RNF130: variants seen among roughly 807,000 people sequenced by gnomAD.
The protein encoded by RNF130 is ring finger protein 130, also known as E3 ubiquitin-protein ligase RNF130.
Under a neutral mutation model 44.6 loss-of-function variants are expected in RNF130, and 21 were observed. That is an observed-to-expected ratio of 0.47 (90% CI 0.33 to 0.68). The LOEUF is 0.68. RNF130 is among the 30% of genes least tolerant of loss of function. The pLI is 0.02. For synonymous variants in RNF130, 214 were observed against 210.4 expected, an observed-to-expected ratio of 1.02 and a Z score of -0.15; for missense variants, 479 against 560.6, an observed-to-expected ratio of 0.85 and a Z score of 1.47.
intron 8 of RNF130, among the ~76,000 whole-genome samples, chr5:179,962,837 C>A (rs1285470616): frequency 6.6e-6 from 1 of 152,152 alleles, no homozygotes; most frequent in Non-Finnish European, 1.5e-5. Flanking sequence ...AACCATCCCG[C>A]CACTAACCAA....
intron 4 of RNF130, among the ~76,000 whole-genome samples, chr5:179,979,341 G>A (rs150577897): frequency 8.0e-5 from 12 of 150,044 alleles, no homozygotes; most frequent in African/African-American, 2.5e-4. Context: ...AACTAGATAC[G>A]GTGGTATCAA....
intron 7 of RNF130, among the ~76,000 whole-genome samples, chr5:179,941,211 G>T (rs1465653222): frequency 6.6e-6 from 1 of 152,128 alleles, no homozygotes; most frequent in Non-Finnish European, 1.5e-5. Flanking sequence ...TGCTTCGTTT[G>T]GTTGGTTTTT....
intron 3 of RNF130, among the ~76,000 whole-genome samples, chr5:179,992,422 G>A (rs926953911): frequency 6.6e-6 from 1 of 152,156 alleles, no homozygotes; most frequent in African/African-American, 2.4e-5. Flanking sequence ...GATTACAGGC[G>A]TGAGCCACCA....
intron 1 of RNF130, among the ~76,000 whole-genome samples, chr5:180,065,519 G>C (rs1204766427): frequency 6.6e-6 from 1 of 152,168 alleles, no homozygotes; most frequent in Non-Finnish European, 1.5e-5. Flanking sequence ...CCAGCACTTT[G>C]GGAGGCCGAG....
exon 8 of RNF130, chr5:179,916,868 G>A (rs1359669932): frequency 6.6e-6 from 1 of 152,392 alleles, no homozygotes; most frequent in Admixed American, 6.5e-5. Context: ...ACAGGAAAGA[G>A]GGGTTACTCC....
At chr5:179,917,938 G>A (rs1761575945) in exon 8 of RNF130, 1 of 152,230 alleles carries the variant, frequency 6.6e-6, no homozygotes, top group East Asian at 1.9e-4. Context: ...CCCAGGAGGT[G>A]GAGGCTGCAG....
In RNF130 at chr5:179,965,340, C is replaced by T. The variant is rs568870332; in HGVS notation, c.1150+1466G>A. 9.9e-5 allele frequency among the ~76,000 whole-genome samples: 15 copies of T among 152,196 alleles called. No homozygotes were observed. The South Asian group carries it at 1.5e-3, about 15-fold the overall frequency. On this transcript the variant is annotated intron_variant, in intron 7 of 8. Transcript: ENST00000521389. ...GTGGTTGCTACGGTGCCCAGGGCTTCGGAGGGAAAGCAGAGGTAGCTGTGG... is the reference window on the plus strand; with the variant it reads ...GTGGTTGCTACGGTGCCCAGGGCTTTGGAGGGAAAGCAGAGGTAGCTGTGG...
chr5:179,915,433 A>ACCT (rs1761530483), exon 8 of RNF130: 1 of 152,766 alleles, frequency 6.5e-6, no homozygotes, highest in African/African-American at 2.4e-5. Context: ...CCACCTGGGC[A>ACCT]CCAGGTTCGC....
chr5:180,037,219 G>A lies in RNF130; in HGVS notation c.442+3234C>T, dbSNP rs946868444. Among the ~76,000 whole-genome samples, 6 of 152,158 alleles carry A rather than the reference G, an allele frequency of 3.9e-5. No individual in the cohort carries two copies. The East Asian group carries it at 5.8e-4, about 15-fold the overall frequency. On this transcript the variant is annotated intron_variant, in intron 2 of 8. Transcript: ENST00000521389. ...TTACAATGCTGTAACACTCTCCTAC[G>A]TGTCGTCCATGCACATGTGCGAGAG...
At chr5:179,958,167 G>A (rs945247524) in intron 8 of RNF130, among the ~76,000 whole-genome samples, 14 of 152,190 alleles carry the variant, frequency 9.2e-5, no homozygotes, top group Non-Finnish European at 1.6e-4. Flanking sequence ...GTGAGCCACC[G>A]CGCCCGGCCA....
At chr5:180,005,899 A>G (rs1763453703) in intron 3 of RNF130, among the ~76,000 whole-genome samples, 1 of 152,222 alleles carries the variant, frequency 6.6e-6, no homozygotes, top group African/African-American at 2.4e-5. Flanking sequence ...GGATATAGAA[A>G]TGAATTATCT....
Position 179,921,938 on chromosome 5 carries a change from T to C in RNF130, c.1151-1512A>G, listed in dbSNP as rs545677783. On this transcript the variant is annotated intron_variant, in intron 7 of 7. Transcript: ENST00000522208. Reference sequence around the variant, plus strand: ...CGGGAGGCTGAGGCAGGAGAATCACTTGAACCCAGGAGGCGGAGGTTGCAG... The same window carrying C: ...CGGGAGGCTGAGGCAGGAGAATCACCTGAACCCAGGAGGCGGAGGTTGCAG... 3.6e-3 allele frequency among the ~76,000 whole-genome samples: 554 copies of C among 151,850 alleles called. 18 individuals are homozygous for C. Among genetic ancestry groups the C allele is most frequent in the African/African-American group, 0.013 (533 of 41,180 alleles).
At chr5:180,039,126 G>A (rs375420826) in intron 2 of RNF130, among the ~76,000 whole-genome samples, 1 of 152,016 alleles carries the variant, frequency 6.6e-6, no homozygotes, top group Non-Finnish European at 1.5e-5. Context: ...AGTGATCTCC[G>A]GATAGTGAAA....
At chr5:179,964,281 C>T (rs1355288889) in intron 7 of RNF130, 1 of 152,248 alleles carries the variant, frequency 6.6e-6, no homozygotes, top group Non-Finnish European at 1.5e-5. Context: ...CTGGTGCTTA[C>T]AACAATAAGG....
At chr5:180,064,191 A>G (rs1765046615) in intron 1 of RNF130, among the ~76,000 whole-genome samples, 1 of 152,226 alleles carries the variant, frequency 6.6e-6, no homozygotes, top group South Asian at 2.1e-4. Context: ...CTCCTGAAAT[A>G]CTGTTTAGTT....
intron 1 of RNF130, among the ~76,000 whole-genome samples, chr5:180,042,985 G>T (rs1392825008): frequency 2.6e-5 from 4 of 152,176 alleles, no homozygotes; most frequent in African/African-American, 9.6e-5. Flanking sequence ...GATTTAGATA[G>T]TCTTATCTCA....
At chr5:180,059,333 G>A (rs1056496749) in intron 1 of RNF130, among the ~76,000 whole-genome samples, 1 of 152,098 alleles carries the variant, frequency 6.6e-6, no homozygotes, top group Non-Finnish European at 1.5e-5. Context: ...TCAGCATCCC[G>A]ATGCTTTCCC....
chr5:180,043,632 G>T lies in RNF130; in HGVS notation c.248-2985C>A, dbSNP rs556972323. ...TAAGAATGAAAAGACACAGCAAGGG[G>T]TGCAACCACAGAGCAAAAGTTATCA... On this transcript the variant is annotated intron_variant, in intron 1 of 8. Coordinates refer to ENST00000521389, the MANE Select transcript of RNF130 (RefSeq NM_018434.6). Among the ~76,000 whole-genome samples the T allele has an allele frequency of 6.6e-5, 10 of 151,896 alleles. No homozygotes were observed. In the East Asian group the frequency reaches 1.9e-3, roughly 29 times the overall value.
chr5:180,015,562 GAAGGAGTAGGGAAAGGAGTAGGGA>G (rs1344144588), intron 2 of RNF130, among the ~76,000 whole-genome samples: 12 of 55,136 alleles, frequency 2.2e-4, no homozygotes, highest in South Asian at 6.6e-4. Flanking sequence ...AAGGAGTAGG[GAAGGAGTAGGGAAAGGAGTAGGGA>G]AAGGAGTAGG....
Sources: gnomAD v4.1 joint callset for allele counts (sites outside exome capture counted in the v4.1 genomes callset) on GRCh38, gnomAD v4.1.1 for gene constraint, MANE v1.5 for transcripts, NCBI Gene and HGNC (gene_info 2026-07-23, HGNC 2026-07-21) for gene names.